CLK2: variants seen among roughly 807,000 people sequenced by gnomAD.
CLK2 encodes CDC like kinase 2, also known as dual specificity protein kinase CLK2.
A neutral mutation model predicts 73.5 loss-of-function variants in CLK2; 12 were observed. That is an observed-to-expected ratio of 0.16 (90% CI 0.10 to 0.26). The LOEUF is 0.26. Among genes scored for constraint, CLK2 ranks in the 10% least tolerant of loss-of-function variants. The probability of loss-of-function intolerance (pLI) is 1.00; values close to 1 mark genes in which losing one functional copy is unlikely to be tolerated. For missense variants in CLK2, 509 were observed against 688.4 expected (o/e 0.74, Z 2.92); for synonymous variants, 232 against 237.9 (o/e 0.98, Z 0.23).
intron 2 of CLK2, 41 bp downstream of exon 2, chr1:155,270,767 C>A: frequency 6.3e-7 from 1 of 1,576,944 alleles, no homozygotes. Flanking sequence ...AAGGAATGAG[C>A]GAGTGACCCT....
At chr1:155,267,021 C>T (rs1673262513) in intron 6 of CLK2, 126 bp from the exon 7 acceptor site, 5 of 1,035,068 alleles carry the variant, frequency 4.8e-6, no homozygotes, top group Non-Finnish European at 7.0e-6. Flanking sequence ...CCAGCTAGTA[C>T]TAACACCAAA....
chr1:155,264,504 G>A lies in CLK2; in HGVS notation c.1110C>T (p.Ile370=). 6.2e-7 allele frequency: 1 copy of A among 1,614,192 alleles called. No individual in the cohort carries two copies. Among genetic ancestry groups the A allele is most frequent in the Non-Finnish European group, 8.5e-7 (1 of 1,180,026 alleles). ...TGAATCCCACATAGTATTCAAAGATGATGCAGCCTATACTCCACACATCAC... is the reference window on the plus strand; with the variant it reads ...TGAATCCCACATAGTATTCAAAGATAATGCAGCCTATACTCCACACATCAC... ...QPCDVWSIGC[I]IFEYYVGFTL... is the part of the protein sequence containing the mutation. The change falls in exon 10 of 13, where the codon ATC becomes ATT. Residue 370 remains isoleucine, a synonymous_variant. Transcript: ENST00000368361.
At chr1:155,269,762 T>A (rs778976802) in intron 2 of CLK2, 46 bp from the exon 3 acceptor site, 6 of 1,534,992 alleles carry the variant, frequency 3.9e-6, no homozygotes, top group Non-Finnish European at 4.5e-6. Context: ...TCAGATCACA[T>A]TCCCTACCAT....
Position 155,264,532 on chromosome 1 carries a change from G to A in CLK2, c.1082C>T (p.Pro361Leu). 6.2e-7 allele frequency: 1 copy of A among 1,614,230 alleles called. No homozygotes were observed. Among genetic ancestry groups the A allele is most frequent in the Non-Finnish European group, 8.5e-7 (1 of 1,180,036 alleles). ...GCAGCCTATACTCCACACATCACAA[G>A]GCTGTGACCAGCCCAACTCTGGGTG... ...EVILELGWSQPCDVWSIGCII... is the reference protein window; with the variant it reads ...EVILELGWSQLCDVWSIGCII... The change falls in exon 10 of 13, where the codon CCT (proline) becomes CTT (leucine). Residue 361 changes from proline (P) to leucine (L), a missense_variant. Physicochemically the swap from Pro to Leu is moderately conservative, Grantham distance 98. Around this residue, in one of 6 missense-constraint regions of CLK2, gnomAD observed 48 missense variants for 144.9 expected, o/e 0.33. Coordinates refer to ENST00000368361, the MANE Select transcript of CLK2 (RefSeq NM_001294338.2).
Position 155,268,865 on chromosome 1 carries a change from T to TGGGGGGGGGGGG in CLK2, c.400-71_400-70insCCCCCCCCCCCC. ...GGGGGCCGGAGGGAGGCGGGGTGGG[T>TGGGGGGGGGGGG]GGTAGAGGGGTCACCGGTCACAGGC... On this transcript the variant is annotated intron_variant, in intron 3 of 12. Transcript: ENST00000368361. This position sits in a 1 kb window ranked among gnomAD's most constrained non-coding sequence, Gnocchi z 5.6. The TGGGGGGGGGGGG allele has an allele frequency of 3.5e-5, 17 of 479,232 alleles. No individual in the cohort carries two copies. Among genetic ancestry groups the TGGGGGGGGGGGG allele is most frequent in the East Asian group, 3.0e-4 (6 of 20,050 alleles). The allele number at this position is 479,232 out of a possible 1,614,324, so 29.7% of individuals were successfully genotyped here.
chr1:155,264,909 G>T, intron 8 of CLK2, 135 bp from the exon 9 acceptor site: 1 of 1,007,770 alleles, frequency 9.9e-7, no homozygotes, highest in Non-Finnish European at 1.5e-6. Context: ...GGAAATTCCT[G>T]TTTTACAGCT....
At chr1:155,269,025 G>A in intron 3 of CLK2, 1 of 606,782 alleles carries the variant, frequency 1.6e-6, no homozygotes, top group Admixed American at 2.8e-5. Context: ...AACAGGGAGA[G>A]GCATGGGCAG....
chr1:155,265,794 C>T (rs1401779085), intron 8 of CLK2, 66 bp downstream of exon 8: 5 of 1,054,732 alleles, frequency 4.7e-6, no homozygotes, highest in Non-Finnish European at 7.5e-6. Flanking sequence ...ACAAAGGGCT[C>T]GGCAGAAGGC....
At chr1:155,266,069 C>T in intron 7 of CLK2, 115 bp from the exon 8 acceptor site, 1 of 735,588 alleles carries the variant, frequency 1.4e-6, no homozygotes, top group Non-Finnish European at 2.5e-6. Context: ...GGTCCAGAAT[C>T]ACTAGGGCTG....
In CLK2 at chr1:155,268,358, A is replaced by G. The variant is rs1330630209; in HGVS notation, c.489T>C (p.Tyr163=). The change falls in exon 5 of 13, where the codon TAT becomes TAC. Residue 163 remains tyrosine (Y), a splice_region_variant and synonymous_variant. Coordinates refer to ENST00000368361, the MANE Select transcript of CLK2 (RefSeq NM_001294338.2). This position sits in a 1 kb window ranked among gnomAD's most constrained non-coding sequence, Gnocchi z 5.6. The part of the protein sequence containing the change: ...YHVGDWLQER[Y]EIVSTLGEGT... ...CCTCTCCTAAGGTGCTAACGATTTCATCTGAAATGAAAGAGAGCAGGGTCG... is the reference window on the plus strand; with the variant it reads ...CCTCTCCTAAGGTGCTAACGATTTCGTCTGAAATGAAAGAGAGCAGGGTCG... 1 of 1,613,910 alleles carries G rather than the reference A, an allele frequency of 6.2e-7. No individual in the cohort carries two copies. Among genetic ancestry groups the G allele is most frequent in the Admixed American group, 1.7e-5 (1 of 60,032 alleles).
Position 155,269,541 on chromosome 1 carries a change from T to C in CLK2, c.346A>G (p.Arg116Gly). The C allele has an allele frequency of 6.2e-7, 1 of 1,614,114 alleles. No individual in the cohort carries two copies. Residue 116 changes from arginine to glycine, a missense_variant, in exon 3 of 13, where the codon AGG (arginine) becomes GGG (glycine). Arg to Gly is a moderately radical substitution (Grantham distance 125, BLOSUM62 -2). Transcript: ENST00000368361. ...SSYRSQRSSRRKHRRRRRRSR... is the reference protein window; with the variant it reads ...SSYRSQRSSRGKHRRRRRRSR... Reference sequence around the variant, plus strand: ...CGCCTCCTCCGCCGTCTGTGCTTCCTCCGGCTGCTGCGCTGGCTGCGGTAA... The same window carrying C: ...CGCCTCCTCCGCCGTCTGTGCTTCCCCCGGCTGCTGCGCTGGCTGCGGTAA...
In CLK2 at chr1:155,265,868, G is replaced by T. The variant is rs773095255; in HGVS notation, c.925C>A (p.Leu309Ile). 2.1e-5 allele frequency: 33 copies of T among 1,604,894 alleles called. 1 individual carries two copies. The East Asian group carries it at 7.4e-4, about 36-fold the overall frequency. The change falls in exon 8 of 13, where the codon CTA (leucine) becomes ATA (isoleucine). Residue 309 changes from leucine (L) to isoleucine (I), a missense_variant. Leu to Ile is a conservative substitution (Grantham distance 5, BLOSUM62 2). Transcript: ENST00000368361. ...VNSDYELTYN[L>I]EKKRDERSVK... ...GACCCTATCCATCTTACCTTCTCTA[G>T]GTTGTAGGTGAGCTCATAGTCTGAA...
In CLK2 at chr1:155,263,213, G is replaced by T; in HGVS notation, c.*5C>A. On this transcript the variant is annotated 3_prime_UTR_variant, in exon 13 of 13. Coordinates refer to ENST00000368361, the MANE Select transcript of CLK2 (RefSeq NM_001294338.2). The stretch of plus-strand genomic sequence containing the variant: ...AAAGATGCAGGGGGGCCCAGGGCCT[G>T]ATCGTCACCGACTGATATCCCGACT... 5 of 1,611,220 alleles carry T rather than the reference G, an allele frequency of 3.1e-6. No homozygotes were observed. The highest frequency in any genetic ancestry group is 4.2e-6 in the Non-Finnish European group (5 of 1,178,792).
chr1:155,263,894 C>T, intron 12 of CLK2, 56 bp downstream of exon 12: 1 of 1,550,922 alleles, frequency 6.4e-7, no homozygotes, highest in East Asian at 2.2e-5. Context: ...GCAAACCACC[C>T]TAAGAAGGAA....
At position 155,263,301 on chromosome 1, in the gene CLK2, C is replaced by T; in HGVS notation, c.1417G>A (p.Ala473Thr). 6.2e-7 allele frequency: 1 copy of T among 1,614,186 alleles called. No homozygotes were observed. Among genetic ancestry groups the T allele is most frequent in the Non-Finnish European group, 8.5e-7 (1 of 1,180,050 alleles). The change falls in exon 13 of 13, where the codon GCC (alanine) becomes ACC (threonine). Residue 473 changes from alanine (A) to threonine (T), a missense_variant. Transcript: ENST00000368361. ...EPAKRLTLGE[A>T]LQHPFFARLR... ...CGGGCGAAGAAAGGATGCTGAAGGGCTTCACCCAAGGTCAGCCGCTTAGCT... is the reference window on the plus strand; with the variant it reads ...CGGGCGAAGAAAGGATGCTGAAGGGTTTCACCCAAGGTCAGCCGCTTAGCT...
rs768170507 is a variant in CLK2 at position 155,270,935 on chromosome 1, G to A, written c.43C>T (p.Arg15Trp). Residue 15 changes from arginine (R) to tryptophan (W), a missense_variant, in exon 2 of 13, where the codon CGG (arginine) becomes TGG (tryptophan). This residue lies in a region of CLK2 where 222 missense variants were observed against 221.7 expected (regional missense o/e 1.00). Transcript: ENST00000368361. ...RRYHSSERGSRGSYREHYRSR... is the reference protein window; with the variant it reads ...RRYHSSERGSWGSYREHYRSR... Reference sequence around the variant, plus strand: ...CGATAGTGTTCACGGTAACTCCCCCGGCTGCCTCGCTCTGAGGAGTGGTAC... The same window carrying A: ...CGATAGTGTTCACGGTAACTCCCCCAGCTGCCTCGCTCTGAGGAGTGGTAC... 10 of 1,614,104 alleles carry A rather than the reference G, an allele frequency of 6.2e-6. No homozygotes were observed. The highest frequency in any genetic ancestry group is 1.6e-4 in the Middle Eastern group (1 of 6,062).
rs367780359 is a variant in CLK2, at chr1:155,270,911, G to T, written c.67C>A (p.Arg23=). The change falls in exon 2 of 13, where the codon CGG becomes AGG. Residue 23 remains arginine, a synonymous_variant. Coordinates refer to ENST00000368361, the MANE Select transcript of CLK2 (RefSeq NM_001294338.2). The stretch of plus-strand genomic sequence containing the variant: ...CTTCGTCGCTTATGCTTTCGGCTCC[G>T]ATAGTGTTCACGGTAACTCCCCCGG... The part of the protein sequence containing the change: ...GSRGSYREHY[R]SRKHKRRRSR... 1 of 1,614,178 alleles carries T rather than the reference G, an allele frequency of 6.2e-7. No homozygotes were observed. Among genetic ancestry groups the T allele is most frequent in the Non-Finnish European group, 8.5e-7 (1 of 1,180,026 alleles).
chr1:155,268,971 A>G lies in CLK2; in HGVS notation c.400-176T>C. ...TGCAGTAAGGTGGATCGGTGTGAGA[A>G]GAGAGAGCGGCGCATAATCCCAAGT... On this transcript the variant is annotated intron_variant, in intron 3 of 12. Transcript: ENST00000368361. The surrounding 1 kb of genome is among the most constrained non-coding windows in gnomAD (Gnocchi z 5.6). 1.6e-6 allele frequency: 1 copy of G among 624,038 alleles called. No individual in the cohort carries two copies. The highest frequency in any genetic ancestry group is 2.9e-6 in the Non-Finnish European group (1 of 346,608). 38.7% of individuals were successfully genotyped at this position (624,038 alleles called of 1,614,324 possible).
chr1:155,269,647 G>A lies in CLK2; in HGVS notation c.240C>T (p.Asn80=), dbSNP rs568365699. 25 of 1,614,174 alleles carry A rather than the reference G, an allele frequency of 1.5e-5. No individual in the cohort carries two copies. Among genetic ancestry groups the A allele is most frequent in the South Asian group, 1.2e-4 (11 of 91,084 alleles). The change falls in exon 3 of 13, where the codon AAC becomes AAT. Residue 80 remains asparagine, a synonymous_variant. Transcript: ENST00000368361. The part of the protein sequence containing the change: ...DRRYCGSYRR[N]DYSRDRGDAY... ...CATCTCCCCGATCCCGGCTATAATCGTTGCGTCTGTAGCTGCCACAGTATC... is the reference window on the plus strand; with the variant it reads ...CATCTCCCCGATCCCGGCTATAATCATTGCGTCTGTAGCTGCCACAGTATC...
Sources: gnomAD v4.1 joint callset for allele counts on GRCh38, gnomAD v4.1.1 for gene constraint, gnomAD v4.1.1 regional missense constraint, Gnocchi (gnomAD v3.1) non-coding constraint, MANE v1.5 for transcripts, NCBI Gene and HGNC (gene_info 2026-07-23, HGNC 2026-07-21) for gene names.